Variants in RP1 observed in about 807,000 individuals in gnomAD.
The protein encoded by RP1 is oxygen-regulated protein 1.
A neutral mutation model predicts 14.8 loss-of-function variants in RP1; 16 were observed. The observed-to-expected ratio is 1.08, with a 90% confidence interval of 0.73 to 1.65. The LOEUF is 1.65. RP1 is among the 40% of genes most tolerant of loss of function. RP1 has a pLI of 0.00. For missense variants in RP1, 2,631 were observed against 2,535.0 expected (o/e 1.04, Z -0.81); for synonymous variants, 876 against 883.6 (o/e 0.99, Z 0.15).
chr8:54,604,908 A>G (rs919348469), intron 1 of RP1, among the ~76,000 whole-genome samples: 26 of 151,906 alleles, frequency 1.7e-4, no homozygotes, highest in African/African-American at 6.0e-4. Context: ...TTTTTATTGC[A>G]TCTATTTGAT....
At chr8:54,838,636 T>C (rs766493232) in intron 25 of RP1, among the ~76,000 whole-genome samples, 7 of 152,232 alleles carry the variant, frequency 4.6e-5, no homozygotes, top group Non-Finnish European at 8.8e-5. Flanking sequence ...TGTGCATGCA[T>C]GTGACACTAT....
rs1432695817 is a variant in RP1 at position 54,626,722 on chromosome 8, G to A, written c.2840G>A (p.Cys947Tyr). 2 of 1,613,932 alleles carry A rather than the reference G, an allele frequency of 1.2e-6. No homozygotes were observed. Among genetic ancestry groups the A allele is most frequent in the Non-Finnish European group, 8.5e-7 (1 of 1,179,930 alleles). The change falls in exon 4 of 4, where the codon TGT becomes TAT. Residue 947 changes from cysteine to tyrosine, a missense_variant. Transcript: ENST00000220676. ...VCRNETSVVN[C>Y]SNNSFSGNDP... ...AGAAATGAAACGAGTGTGGTAAATT[G>A]TAGCAATAATAGTTTTTCAGGGAAT...
chr8:54,720,356 T>A (rs1329594819), intron 16 of RP1: 13 of 1,417,904 alleles, frequency 9.2e-6, no homozygotes, highest in African/African-American at 1.4e-5. Flanking sequence ...TATGATGGTT[T>A]GTGTACAGTG....
At chr8:54,645,412 A>G (rs906846940) in intron 3 of RP1, among the ~76,000 whole-genome samples, 1 of 152,074 alleles carries the variant, frequency 6.6e-6, no homozygotes, top group Non-Finnish European at 1.5e-5. Context: ...TTTAGTTATT[A>G]TATGTAGTGC....
chr8:54,658,492 A>G (rs1270093713), intron 6 of RP1, among the ~76,000 whole-genome samples: 2 of 135,048 alleles, frequency 1.5e-5, no homozygotes, highest in Non-Finnish European at 3.1e-5. Context: ...CGGAGCTTGC[A>G]GTGAGCCGAG....
intron 1 of RP1, among the ~76,000 whole-genome samples, chr8:54,586,093 T>G (rs1804914157): frequency 6.6e-6 from 1 of 152,138 alleles, no homozygotes. Context: ...GAGTTTCCAG[T>G]TTTTCTGCTC....
intron 5 of RP1, among the ~76,000 whole-genome samples, chr8:54,653,415 A>G (rs1806694892): frequency 6.6e-6 from 1 of 152,148 alleles, no homozygotes. Flanking sequence ...TTGTCATCCA[A>G]TTTTATATAT....
In RP1 at chr8:54,630,040, A is replaced by G; in HGVS notation, c.6158A>G (p.Asp2053Gly). ...GGTAATGTGGATTCAAATACACAAG[A>G]CCTCAGCGGTCAGACAAATGAAATC... is the stretch of plus-strand genomic sequence containing the variant. ...VVGNVDSNTQDLSGQTNEIFK... is the reference protein window; with the variant it reads ...VVGNVDSNTQGLSGQTNEIFK... The change falls in exon 4 of 4, where the codon GAC (aspartate) becomes GGC (glycine). Residue 2053 changes from aspartate (D) to glycine (G), a missense_variant. Physicochemically the swap from Asp to Gly is moderately conservative, Grantham distance 94. Coordinates refer to ENST00000220676, the MANE Select transcript of RP1 (RefSeq NM_006269.2). The G allele has an allele frequency of 6.2e-7, 1 of 1,614,042 alleles. No homozygotes were observed. The highest frequency in any genetic ancestry group is 8.5e-7 in the Non-Finnish European group (1 of 1,179,952).
chr8:54,755,021 A>C (rs752471635), intron 20 of RP1: 78 of 1,331,792 alleles, frequency 5.9e-5, no homozygotes, highest in Non-Finnish European at 7.3e-5. Flanking sequence ...ATTTAGTTAC[A>C]GAATATTTTT....
intron 1 of RP1, among the ~76,000 whole-genome samples, chr8:54,559,502 G>A (rs1460198568): frequency 1.3e-5 from 2 of 152,172 alleles, no homozygotes; most frequent in African/African-American, 4.8e-5. Context: ...TGGAAGGCCT[G>A]AGCTAAATAA....
chr8:54,569,609 G>C (rs1804478170), intron 1 of RP1, among the ~76,000 whole-genome samples: 1 of 152,126 alleles, frequency 6.6e-6, no homozygotes, highest in Non-Finnish European at 1.5e-5. Flanking sequence ...TGCTTCATAG[G>C]CATCTTCTTT....
intron 3 of RP1, among the ~76,000 whole-genome samples, chr8:54,639,865 C>A (rs1286672292): frequency 6.6e-6 from 1 of 152,118 alleles, no homozygotes; most frequent in Non-Finnish European, 1.5e-5. Flanking sequence ...AGATGTATGT[C>A]TTGCACGCAT....
chr8:54,576,043 C>CTTTTT (rs11443511), intron 1 of RP1, among the ~76,000 whole-genome samples: 1 of 140,026 alleles, frequency 7.1e-6, no homozygotes, highest in Non-Finnish European at 1.5e-5. Context: ...CTGTCAGACT[C>CTTTTT]TTTTTTTTTT....
intron 3 of RP1, among the ~76,000 whole-genome samples, chr8:54,643,287 G>A (rs1013536781): frequency 1.3e-5 from 2 of 152,130 alleles, no homozygotes; most frequent in Non-Finnish European, 2.9e-5. Flanking sequence ...GTGTTCACCT[G>A]TATAATTACC....
chr8:54,821,120 G>A lies in RP1; in HGVS notation c.3616-16330G>A, dbSNP rs545567033. Among the ~76,000 whole-genome samples the A allele has an allele frequency of 2.2e-4, 33 of 152,180 alleles. No homozygotes were observed. The South Asian group carries it at 6.7e-3, about 31-fold the overall frequency. On this transcript the variant is annotated intron_variant, in intron 24 of 28. Coordinates refer to the RP1 transcript ENST00000637698. ...CCTCCCAGAATGATAAAAAGAGATA[G>A]AAAAATAGAAAAGAGAAGGTAGGTG... is the stretch of plus-strand genomic sequence containing the variant.
At chr8:54,763,284 A>C (rs976794475) in intron 22 of RP1, among the ~76,000 whole-genome samples, 3 of 152,204 alleles carry the variant, frequency 2.0e-5, no homozygotes, top group African/African-American at 7.2e-5. Context: ...TTGATAACCT[A>C]CTTGACCTAG....
intron 22 of RP1, among the ~76,000 whole-genome samples, chr8:54,768,365 A>G (rs919304629): frequency 6.6e-6 from 1 of 152,140 alleles, no homozygotes; most frequent in Non-Finnish European, 1.5e-5. Context: ...ACTTTGTTAC[A>G]TTTATATCTT....
chr8:54,567,363 C>A (rs570937846), intron 1 of RP1, among the ~76,000 whole-genome samples: 1 of 152,170 alleles, frequency 6.6e-6, no homozygotes, highest in South Asian at 2.1e-4. Context: ...GAGCCTAATA[C>A]CTTTCAGGAA....
At chr8:54,723,744 A>G (rs1407013513) in intron 16 of RP1, among the ~76,000 whole-genome samples, 1 of 152,186 alleles carries the variant, frequency 6.6e-6, no homozygotes, top group East Asian at 1.9e-4. Flanking sequence ...ACTGCTAGGT[A>G]TTGTTTTAAA....
Sources: gnomAD v4.1 joint callset for allele counts (sites outside exome capture counted in the v4.1 genomes callset) on GRCh38, gnomAD v4.1.1 for gene constraint, MANE v1.5 for transcripts, NCBI Gene and HGNC (gene_info 2026-07-23, HGNC 2026-07-21) for gene names.